The following COQ8A variants were observed in gnomAD, a reference collection of about 807,000 sequenced individuals.
COQ8A encodes the protein atypical kinase COQ8A, mitochondrial.
COQ8A carries 51 observed loss-of-function variants against 65.0 expected under a neutral mutation model. That is an observed-to-expected ratio of 0.78 (90% CI 0.63 to 0.99). COQ8A has a LOEUF of 0.99. Ranked by LOEUF, COQ8A falls within the 50% of genes least tolerant of loss-of-function variation. The pLI is 0.00. For missense variants in COQ8A, 940 were observed against 875.0 expected, an observed-to-expected ratio of 1.07 and a Z score of -0.94; for synonymous variants, 371 against 353.2, an observed-to-expected ratio of 1.05 and a Z score of -0.57.
At chr1:226,960,504 TTGG>T (rs747818428) in intron 1 of COQ8A, among the ~76,000 whole-genome samples, 27,839 of 112,694 alleles carry the variant, frequency 0.25, 3,464 homozygotes, top group African/African-American at 0.31. Flanking sequence ...GTGGTGGTGC[TTGG>T]TGGTGGTGGT....
chr1:226,956,971 G>C (rs1270558658), intron 1 of COQ8A, among the ~76,000 whole-genome samples: 32 of 41,094 alleles, frequency 7.8e-4, no homozygotes, highest in Admixed American at 2.6e-3. Context: ...CTCCCTGGCT[G>C]CCACTCTCCC....
Position 226,985,011 on chromosome 1 carries a change from G to C in COQ8A, c.1572+70G>C, listed in dbSNP as rs187434588. The C allele has an allele frequency of 2.4e-3, 3,714 of 1,574,130 alleles. 6 individuals carry two copies. Among genetic ancestry groups the C allele is most frequent in the Non-Finnish European group, 2.9e-3 (3,358 of 1,149,818 alleles). ...CTGGGACAGGATGCTGGGGGACTCG[G>C]GGTAGGGAGAATGACTGGGTTCCTG... is the stretch of plus-strand genomic sequence containing the variant. On this transcript the variant is annotated intron_variant, in intron 13 of 14. Transcript: ENST00000366777.
At chr1:226,941,318 C>T (rs1656675604) in intron 1 of COQ8A, among the ~76,000 whole-genome samples, 1 of 152,202 alleles carries the variant, frequency 6.6e-6, no homozygotes, top group African/African-American at 2.4e-5. Context: ...ACCTGATTGC[C>T]AAAGGATTTG....
At chr1:226,985,740 C>T (rs796273876) in intron 14 of COQ8A, among the ~76,000 whole-genome samples, 1 of 152,164 alleles carries the variant, frequency 6.6e-6, no homozygotes, top group African/African-American at 2.4e-5. Flanking sequence ...GTGCTGGTGC[C>T]GCCTGAAGCC....
At chr1:226,981,920 C>G in intron 5 of COQ8A, 107 bp from the exon 6 acceptor site, 1 of 1,542,896 alleles carries the variant, frequency 6.5e-7, no homozygotes, top group South Asian at 1.1e-5. Context: ...TTATGGACGC[C>G]TGGGAGGAAG....
At chr1:226,953,017 A>G (rs1657479706) in intron 1 of COQ8A, among the ~76,000 whole-genome samples, 2 of 151,930 alleles carry the variant, frequency 1.3e-5, no homozygotes, top group East Asian at 3.9e-4. Context: ...CACCTTTCAC[A>G]GTGTTATTTT....
Position 226,984,902 on chromosome 1 carries a change from G to T in COQ8A, c.1533G>T (p.Thr511=). 6.2e-7 allele frequency: 1 copy of T among 1,614,172 alleles called. No individual in the cohort carries two copies. The highest frequency in any genetic ancestry group is 8.5e-7 in the Non-Finnish European group (1 of 1,180,020). ...TGGCTCTTTTGGATTTTGGGGCAAC[G>T]CGGGAATATGACAGATCCTTCACCG... ...HKVALLDFGA[T]REYDRSFTDL... Residue 511 remains threonine, a synonymous_variant, in exon 13 of 15, where the codon ACG becomes ACT. Coordinates refer to ENST00000366777, the MANE Select transcript of COQ8A (RefSeq NM_020247.5).
At chr1:226,978,970 A>G (rs948572393) in intron 5 of COQ8A, among the ~76,000 whole-genome samples, 1 of 151,482 alleles carries the variant, frequency 6.6e-6, no homozygotes. Flanking sequence ...ACACACCCGC[A>G]CACCTCCTTG....
Position 226,961,482 on chromosome 1 carries a change from G to T in COQ8A, c.97G>T (p.Gly33Ter). 2 of 1,613,926 alleles carry T rather than the reference G, an allele frequency of 1.2e-6. No individual in the cohort carries two copies. The highest frequency in any genetic ancestry group is 1.7e-6 in the Non-Finnish European group (2 of 1,179,986). ...VETHLQHLGI[G>*]GELIMAARAL... Reference sequence around the variant, plus strand: ...AACCCACCTGCAGCACTTGGGCATCGGAGGGGAGCTGATCATGGCGGCCAG... The same window carrying T: ...AACCCACCTGCAGCACTTGGGCATCTGAGGGGAGCTGATCATGGCGGCCAG... Residue 33 changes from glycine (G) to a stop codon, truncating the protein, a stop_gained, in exon 2 of 15, where the codon GGA becomes TGA. Transcript: ENST00000366777. LOFTEE classifies it high-confidence loss of function.
intron 4 of COQ8A, among the ~76,000 whole-genome samples, chr1:226,975,380 C>A (rs921458135): frequency 6.6e-6 from 1 of 152,132 alleles, no homozygotes; most frequent in Non-Finnish European, 1.5e-5. Context: ...GCCAGCCGCA[C>A]GGGGCCTTGG....
chr1:226,943,997 A>G (rs1327789529), intron 1 of COQ8A, among the ~76,000 whole-genome samples: 2 of 152,052 alleles, frequency 1.3e-5, no homozygotes, highest in African/African-American at 4.8e-5. Flanking sequence ...CTGGCACCCC[A>G]GGAGCCAGTG....
intron 1 of COQ8A, among the ~76,000 whole-genome samples, chr1:226,955,820 C>T (rs1657691103): frequency 8.1e-6 from 1 of 123,696 alleles, no homozygotes; most frequent in Non-Finnish European, 1.7e-5. Context: ...TCACACTCTC[C>T]CTGGCTCCCA....
chr1:226,970,893 T>C (rs1306128989), intron 4 of COQ8A, among the ~76,000 whole-genome samples: 3 of 152,186 alleles, frequency 2.0e-5, no homozygotes, highest in African/African-American at 7.2e-5. Flanking sequence ...TCCTCTCTCT[T>C]ACAGTGTAGT....
intron 1 of COQ8A, among the ~76,000 whole-genome samples, chr1:226,955,529 TC>T (rs1657654570): frequency 9.2e-6 from 1 of 108,868 alleles, no homozygotes; most frequent in Non-Finnish European, 1.8e-5. Context: ...TCTCCCTGGC[TC>T]CCACTCTCCC....
rs1237181402 is a variant in COQ8A at position 226,978,560 on chromosome 1, ACAG to A, written c.730+1039_730+1041del. 3.2e-3 allele frequency among the ~76,000 whole-genome samples: 228 copies of A among 70,620 alleles called. 65 individuals are homozygous for A. Among genetic ancestry groups the A allele is most frequent in the Non-Finnish European group, 6.2e-3 (154 of 24,702 alleles). 46.3% of individuals were successfully genotyped at this position (70,620 alleles called of 152,430 possible). ...CCTCCTTACCCTCCACACACCCCCC[ACAG>A]CCACACACCACCTTACACACTCTCC... is the stretch of plus-strand genomic sequence containing the variant. On this transcript the variant is annotated intron_variant, in intron 5 of 14. Coordinates refer to ENST00000366777, the MANE Select transcript of COQ8A (RefSeq NM_020247.5).
chr1:226,976,134 GCGGGAC>G (rs1423683716), intron 4 of COQ8A, among the ~76,000 whole-genome samples: 4 of 97,802 alleles, frequency 4.1e-5, no homozygotes, highest in African/African-American at 8.0e-5. Context: ...CTGTGGGGCT[GCGGGAC>G]TGCGGGGCTG....
Position 226,977,446 on chromosome 1 carries a change from C to A in COQ8A, c.656-3C>A. 6.4e-7 allele frequency: 1 copy of A among 1,560,046 alleles called. No individual in the cohort carries two copies. The highest frequency in any genetic ancestry group is 1.2e-5 in the South Asian group (1 of 84,772). ...CTGAGTGCCCGCCCCCTCCTCCTTG[C>A]AGGTCTGGCCGTGGGCCTGGGCTTC... On this transcript the variant is annotated splice_polypyrimidine_tract_variant and splice_region_variant and intron_variant, in intron 4 of 14. Transcript: ENST00000366777.
chr1:226,941,220 G>A (rs1159951631), intron 1 of COQ8A, among the ~76,000 whole-genome samples: 1 of 152,170 alleles, frequency 6.6e-6, no homozygotes, highest in Non-Finnish European at 1.5e-5. Context: ...AGCCTGAGTC[G>A]GGCCTACAGC....
chr1:226,967,440 T>C (rs1658635246), intron 4 of COQ8A, among the ~76,000 whole-genome samples: 1 of 152,130 alleles, frequency 6.6e-6, no homozygotes, highest in Non-Finnish European at 1.5e-5. Flanking sequence ...TCGGAGTCTT[T>C]GTGGGGTGGG....
Sources: allele counts gnomAD v4.1 joint callset (sites outside exome capture counted in the v4.1 genomes callset), GRCh38; gene constraint gnomAD v4.1.1; transcripts MANE v1.5; gene names NCBI Gene and HGNC (gene_info 2026-07-23, HGNC 2026-07-21).